The following RECQL4 variants were observed in gnomAD, a reference collection of about 807,000 sequenced individuals.
RECQL4 encodes RecQ like helicase 4, also known as ATP-dependent DNA helicase Q4.
RECQL4 carries 158 observed loss-of-function variants against 128.6 expected under a neutral mutation model. The ratio of observed to expected loss-of-function variants is 1.23; its 90% CI spans 1.08 to 1.40. RECQL4 has a LOEUF of 1.40. Ranked by LOEUF, RECQL4 falls within the 40% of genes most tolerant of loss-of-function variation. The probability of loss-of-function intolerance (pLI) is 0.00; values close to 1 mark genes in which losing one functional copy is unlikely to be tolerated. For missense variants in RECQL4, 2,293 were observed against 1,649.8 expected (o/e 1.39, Z -6.75); for synonymous variants, 996 against 678.9 (o/e 1.47, Z -7.26).
At position 144,516,123 on chromosome 8, in the gene RECQL4, C is replaced by G; in HGVS notation, c.996G>C (p.Lys332Asn). The G allele has an allele frequency of 6.2e-7, 1 of 1,613,074 alleles. No individual in the cohort carries two copies. Among genetic ancestry groups the G allele is most frequent in the Non-Finnish European group, 8.5e-7 (1 of 1,179,868 alleles). ...TGTGCAGGGGGGCTGTGCCCTCAGC[C>G]TTCCCAGCCCTAGCTTGACTGGAGG... Reference protein sequence around the residue: ...LSPSSQARAGKAEGTAPLHIF... With the variant: ...LSPSSQARAGNAEGTAPLHIF... The change falls in exon 5 of 21, where the codon AAG (lysine) becomes AAC (asparagine). Residue 332 changes from lysine to asparagine, a missense_variant. Coordinates refer to ENST00000617875, the MANE Select transcript of RECQL4 (RefSeq NM_004260.4).
In RECQL4 at chr8:144,513,610, G is replaced by C. The variant is rs746691436; in HGVS notation, c.2161C>G (p.Arg721Gly). Residue 721 changes from arginine to glycine, a missense_variant, in exon 13 of 21, where the codon CGA becomes GGA. Physicochemically the swap from Arg to Gly is moderately radical, Grantham distance 125. Coordinates refer to ENST00000617875, the MANE Select transcript of RECQL4 (RefSeq NM_004260.4). ...ACCCAGGCTGCGTGCAGGCAGGTTC[G>C]GAGGAGCGCAGCGATCCGCTCTGTG... Reference protein sequence around the residue: ...EDTERIAALLRTCLHAAWVPG... With the variant: ...EDTERIAALLGTCLHAAWVPG... 15 of 1,605,962 alleles carry C rather than the reference G, an allele frequency of 9.3e-6. No homozygotes were observed. Among genetic ancestry groups the C allele is most frequent in the Non-Finnish European group, 1.3e-5 (15 of 1,176,902 alleles).
At position 144,514,052 on chromosome 8, in the gene RECQL4, G is replaced by C. The variant is rs1827786205; in HGVS notation, c.1934C>G (p.Thr645Arg). 1.9e-6 allele frequency: 3 copies of C among 1,582,906 alleles called. No homozygotes were observed. The South Asian group carries it at 3.4e-5, about 18-fold the overall frequency. Reference protein sequence around the residue: ...HCFLGLTATATRRTASDVAQH... With the variant: ...HCFLGLTATARRRTASDVAQH... Reference sequence around the variant, plus strand: ...TGCCACGTCACTGGCAGTGCGGCGTGTGGCTGTGGCTGTGAGGCCCAGGAA... The same window carrying C: ...TGCCACGTCACTGGCAGTGCGGCGTCTGGCTGTGGCTGTGAGGCCCAGGAA... Residue 645 changes from threonine to arginine, a missense_variant, in exon 12 of 21, where the codon ACA becomes AGA. Physicochemically the swap from Thr to Arg is moderately conservative, Grantham distance 71. Transcript: ENST00000617875.
In RECQL4 at chr8:144,516,068, C is replaced by T. The variant is rs1429303169; in HGVS notation, c.1051G>A (p.Gly351Ser). 2.5e-6 allele frequency: 4 copies of T among 1,612,644 alleles called. No homozygotes were observed. Among genetic ancestry groups the T allele is most frequent in the East Asian group, 2.2e-5 (1 of 44,896 alleles). ...IFPRLARHDR[G>S]NYVRLNMKQK... ...TTCATGTTGAGCCGTACGTAATTGC[C>T]CCTGTCATGGCGGGCCAGCCGAGGG... Residue 351 changes from glycine to serine, a missense_variant, in exon 5 of 21, where the codon GGC (glycine) becomes AGC (serine). Coordinates refer to ENST00000617875, the MANE Select transcript of RECQL4 (RefSeq NM_004260.4).
Position 144,511,562 on chromosome 8 carries a change from T to TGGAGCCAAGAC in RECQL4, c.3503-18_3503-8dup. On this transcript the variant is annotated splice_polypyrimidine_tract_variant and splice_region_variant and intron_variant, in intron 20 of 20. Transcript: ENST00000617875. ...GCCGGGTAGCAGGGGCTTCCTACGG[T>TGGAGCCAAGAC]GGAGCCAAGACACAGCCGTGAGCCC... 1.2e-6 allele frequency: 2 copies of TGGAGCCAAGAC among 1,611,706 alleles called. No homozygotes were observed. The highest frequency in any genetic ancestry group is 4.5e-5 in the East Asian group (2 of 44,850).
chr8:144,515,538 A>T, intron 6 of RECQL4, 81 bp from the exon 7 acceptor site: 1 of 1,590,430 alleles, frequency 6.3e-7, no homozygotes, highest in Non-Finnish European at 8.6e-7. Flanking sequence ...CTTCCCCCAA[A>T]GGGGGTTGGC....
In RECQL4 at chr8:144,516,108, G is replaced by A. The variant is rs759971028; in HGVS notation, c.1011C>T (p.Ala337=). ...CCAGCCGAGGGAAGATGTGCAGGGG[G>A]GCTGTGCCCTCAGCCTTCCCAGCCC... is the stretch of plus-strand genomic sequence containing the variant. ...QARAGKAEGT[A]PLHIFPRLAR... is the part of the protein sequence containing the mutation. The change falls in exon 5 of 21, where the codon GCC becomes GCT. Residue 337 remains alanine (A), a synonymous_variant. Coordinates refer to ENST00000617875, the MANE Select transcript of RECQL4 (RefSeq NM_004260.4). The A allele has an allele frequency of 2.5e-5, 41 of 1,612,906 alleles. No individual in the cohort carries two copies. Among genetic ancestry groups the A allele is most frequent in the African/African-American group, 5.3e-5 (4 of 75,052 alleles).
rs747674070 is a variant in RECQL4 at position 144,515,892 on chromosome 8, T to TG, written c.1132-3dup. 26 of 1,612,710 alleles carry TG rather than the reference T, an allele frequency of 1.6e-5. No individual in the cohort carries two copies. The Middle Eastern group carries it at 9.9e-4, about 61-fold the overall frequency. ...CTTCCGCCACTTCTGCTTCCATGCC[T>TG]GGGGGGTGCCCACATAGGAGGGTCA... On this transcript the variant is annotated splice_polypyrimidine_tract_variant and splice_region_variant and intron_variant, in intron 5 of 20. Coordinates refer to ENST00000617875, the MANE Select transcript of RECQL4 (RefSeq NM_004260.4).
Position 144,517,193 on chromosome 8 carries a change from G to A in RECQL4, c.214-3C>T, listed in dbSNP as rs367849648. On this transcript the variant is annotated splice_region_variant and splice_polypyrimidine_tract_variant and intron_variant, in intron 3 of 20. Coordinates refer to ENST00000617875, the MANE Select transcript of RECQL4 (RefSeq NM_004260.4). ...CCCCAGCAGCGGGGCTCTGGCGCCTGCAGGAGACAACAGGGGCACAGGCCA... is the reference window on the plus strand; with the variant it reads ...CCCCAGCAGCGGGGCTCTGGCGCCTACAGGAGACAACAGGGGCACAGGCCA... The A allele has an allele frequency of 1.0e-5, 16 of 1,597,280 alleles. No homozygotes were observed. The highest frequency in any genetic ancestry group is 4.5e-5 in the East Asian group (2 of 44,292).
At position 144,513,198 on chromosome 8, in the gene RECQL4, TGGGG is replaced by T. The variant is rs71320828; in HGVS notation, c.2463+16_2463+19del. 30 of 1,399,794 alleles carry T rather than the reference TGGGG, an allele frequency of 2.1e-5. No homozygotes were observed. Among genetic ancestry groups the T allele is most frequent in the Admixed American group, 2.1e-4 (10 of 46,784 alleles). 86.7% of individuals were successfully genotyped at this position (1,399,794 alleles called of 1,614,324 possible). A position where few individuals can be genotyped will look rare whatever the true frequency, so the allele number is the denominator to read the frequency against. On this transcript the variant is annotated intron_variant, in intron 14 of 20. Coordinates refer to ENST00000617875, the MANE Select transcript of RECQL4 (RefSeq NM_004260.4). ...ACTGGGGGCTCGAGCACTGGCAGTG[TGGGG>T]GGGGGGGGTGCCAACCTGGGGCTGC...
Position 144,515,164 on chromosome 8 carries a change from A to C in RECQL4, c.1469T>G (p.Met490Arg). ...AFRPGQERAV[M>R]RILSGISTLL... ...GCCACGCTCACCAGACAGGATCCGC[A>C]TGACTGCACGCTCCTGCCCAGGGCG... Residue 490 changes from methionine to arginine, a missense_variant, in exon 8 of 21, where the codon ATG (methionine) becomes AGG (arginine). Coordinates refer to ENST00000617875, the MANE Select transcript of RECQL4 (RefSeq NM_004260.4). 1 of 1,565,444 alleles carries C rather than the reference A, an allele frequency of 6.4e-7. No individual in the cohort carries two copies. The highest frequency in any genetic ancestry group is 1.4e-5 in the African/African-American group (1 of 73,728).
Position 144,515,219 on chromosome 8 carries a change from C to A in RECQL4, c.1414G>T (p.Ala472Ser). The change falls in exon 8 of 21, where the codon GCC (alanine) becomes TCC (serine). Residue 472 changes from alanine to serine, a missense_variant. Ala to Ser is a moderately conservative substitution (Grantham distance 99, BLOSUM62 1). Transcript: ENST00000617875. The stretch of plus-strand genomic sequence containing the variant: ...GCTTGGTGCCCCAGCTGCTCCAGGG[C>A]CTGGAACACCTCAGCCGGCGTCTCT... Reference protein sequence around the residue: ...LAETPAEVFQALEQLGHQAFR... With the variant: ...LAETPAEVFQSLEQLGHQAFR... 5 of 1,578,810 alleles carry A rather than the reference C, an allele frequency of 3.2e-6. No homozygotes were observed. The highest frequency in any genetic ancestry group is 4.3e-6 in the Non-Finnish European group (5 of 1,163,172).
At position 144,517,786 on chromosome 8, in the gene RECQL4, G is replaced by A. The variant is rs1815452875; in HGVS notation, c.-2C>T. 7 of 1,230,302 alleles carry A rather than the reference G, an allele frequency of 5.7e-6. No homozygotes were observed. The highest frequency in any genetic ancestry group is 7.1e-6 in the Non-Finnish European group (7 of 981,520). 76.2% of individuals were successfully genotyped at this position (1,230,302 alleles called of 1,614,324 possible). A position where few individuals can be genotyped will look rare whatever the true frequency, so the allele number is the denominator to read the frequency against. On this transcript the variant is annotated 5_prime_UTR_variant, in exon 1 of 21. Coordinates refer to ENST00000617875, the MANE Select transcript of RECQL4 (RefSeq NM_004260.4). Reference sequence around the variant, plus strand: ...CCGCACGTCCCGCAGCCGCTCCATGGCGCGCGCGCCCGCCCGGCCTCCGCG... The same window carrying A: ...CCGCACGTCCCGCAGCCGCTCCATGACGCGCGCGCCCGCCCGGCCTCCGCG...
Position 144,515,780 on chromosome 8 carries a change from G to T in RECQL4, c.1242C>A (p.Ala414=), listed in dbSNP as rs1191667938. 6.2e-7 allele frequency: 1 copy of T among 1,612,446 alleles called. No individual in the cohort carries two copies. Among genetic ancestry groups the T allele is most frequent in the South Asian group, 1.1e-5 (1 of 90,960 alleles). Residue 414 remains alanine (A), a synonymous_variant, in exon 6 of 21, where the codon GCC becomes GCA. Transcript: ENST00000617875. ...FLNEQFDHWA[A]QCPRPASEED... is the part of the protein sequence containing the mutation. ...ATGTCTCACCTGGCCGGGGACACTG[G>T]GCTGCCCAGTGATCGAACTGCTCGT...
rs771381171 is a variant in RECQL4 at position 144,512,404 on chromosome 8, C to T, written c.3043G>A (p.Glu1015Lys). The change falls in exon 17 of 21, where the codon GAG (glutamate) becomes AAG (lysine). Residue 1015 changes from glutamate to lysine, a missense_variant. Transcript: ENST00000617875. ...RALCQLQWDH[E>K]PRTGVRRGTG... Reference sequence around the variant, plus strand: ...GGGAGAGGCGCACCTGTCCTGGGCTCGTGGTCCCACTGCAGCTGGCAGAGA... The same window carrying T: ...GGGAGAGGCGCACCTGTCCTGGGCTTGTGGTCCCACTGCAGCTGGCAGAGA... 18 of 1,607,120 alleles carry T rather than the reference C, an allele frequency of 1.1e-5. No individual in the cohort carries two copies. The highest frequency in any genetic ancestry group is 4.5e-5 in the East Asian group (2 of 44,748).
rs763857743 is a variant in RECQL4, at chr8:144,517,635, C to T, written c.85G>A (p.Asp29Asn). 2 of 1,485,162 alleles carry T rather than the reference C, an allele frequency of 1.3e-6. No individual in the cohort carries two copies. The highest frequency in any genetic ancestry group is 1.3e-5 in the South Asian group (1 of 78,738). The allele number at this position is 1,485,162 out of a possible 1,614,324, so 92.0% of individuals were successfully genotyped here. ...TCCTCCGGCGCCGCCTCCACGTCGT[C>T]CTGTAAAGGGAACGCGTCAGCCGCG... ...RRQRGRRPSQ[D>N]DVEAAPEETR... is the part of the protein sequence containing the mutation. Residue 29 changes from aspartate (D) to asparagine (N), a missense_variant and splice_region_variant, in exon 2 of 21, where the codon GAC (aspartate) becomes AAC (asparagine). Asp to Asn is a conservative substitution (Grantham distance 23). Transcript: ENST00000617875.
At chr8:144,514,404 C>A (rs371107497) in intron 10 of RECQL4, 38 bp downstream of exon 10, 2 of 1,601,638 alleles carry the variant, frequency 1.2e-6, no homozygotes, top group Non-Finnish European at 1.7e-6. Flanking sequence ...GGTGCCCGCC[C>A]GCTGCCTCCC....
rs781121286 is a variant in RECQL4, at chr8:144,513,642, C to T, written c.2129G>A (p.Arg710His). The T allele has an allele frequency of 4.1e-5, 65 of 1,586,090 alleles. No individual in the cohort carries two copies. The East Asian group carries it at 4.1e-4, about 10-fold the overall frequency. The change falls in exon 13 of 21, where the codon CGC (arginine) becomes CAC (histidine). Residue 710 changes from arginine to histidine, a missense_variant. Coordinates refer to ENST00000617875, the MANE Select transcript of RECQL4 (RefSeq NM_004260.4). ...LDSIIIYCNR[R>H]EDTERIAALL... ...CGCAGCGATCCGCTCTGTGTCCTCG[C>T]GCCGGTTGCAGTAAATGATAATGGA...
In RECQL4 at chr8:144,516,443, C is replaced by A; in HGVS notation, c.676G>T (p.Ala226Ser). ...ESQLLIPGES[A>S]VLGPGAGSQG... ...GAGCCAGCACCAGGACCAAGGACAG[C>A]CGACTCACCAGGGATCAGAAGTTGT... is the stretch of plus-strand genomic sequence containing the variant. Residue 226 changes from alanine to serine, a missense_variant, in exon 5 of 21, where the codon GCT becomes TCT. Transcript: ENST00000617875. 6.2e-7 allele frequency: 1 copy of A among 1,608,700 alleles called. No homozygotes were observed. Among genetic ancestry groups the A allele is most frequent in the South Asian group, 1.1e-5 (1 of 91,002 alleles).
Position 144,514,181 on chromosome 8 carries a change from T to C in RECQL4, c.1878+8A>G. On this transcript the variant is annotated splice_region_variant and intron_variant, in intron 11 of 20. Transcript: ENST00000617875. ...CTGGCCGCCCACCCCAGTTCACATA[T>C]GGCTCACCTTGCAGACGCGCAGGTA... 2 of 1,611,950 alleles carry C rather than the reference T, an allele frequency of 1.2e-6. No homozygotes were observed.
Sources: allele counts gnomAD v4.1 joint callset, GRCh38; gene constraint gnomAD v4.1.1; transcripts MANE v1.5; gene names NCBI Gene and HGNC (gene_info 2026-07-23, HGNC 2026-07-21).